The following TOX2 variants were observed in gnomAD, a reference collection of about 807,000 sequenced individuals.
The protein encoded by TOX2 is granulosa cell HMG box 1.
TOX2 carries 15 observed loss-of-function variants against 47.4 expected under a neutral mutation model. That is an observed-to-expected ratio of 0.32 (90% CI 0.21 to 0.49). The LOEUF is 0.49. Ranked by LOEUF, TOX2 falls within the 20% of genes least tolerant of loss-of-function variation. TOX2 has a pLI of 0.99. For missense variants in TOX2, 622 were observed against 673.1 expected, an observed-to-expected ratio of 0.92 and a Z score of 0.84; for synonymous variants, 290 against 296.6, an observed-to-expected ratio of 0.98 and a Z score of 0.23.
chr20:43,996,944 T>G (rs977663629), intron 2 of TOX2, among the ~76,000 whole-genome samples: 5 of 152,124 alleles, frequency 3.3e-5, no homozygotes, highest in Non-Finnish European at 5.9e-5. Context: ...AGCTGGAAGG[T>G]TGTTGGAATA....
chr20:44,011,515 C>T (rs2070778025), intron 3 of TOX2, among the ~76,000 whole-genome samples: 1 of 152,194 alleles, frequency 6.6e-6, no homozygotes, highest in Non-Finnish European at 1.5e-5. Context: ...AGAGTAGATT[C>T]TATAAGTACT....
At chr20:43,975,786 T>C (rs924797108) in intron 2 of TOX2, among the ~76,000 whole-genome samples, 3 of 152,132 alleles carry the variant, frequency 2.0e-5, no homozygotes, top group African/African-American at 4.8e-5. Flanking sequence ...CACCCTAAAC[T>C]GTGACCACCA....
At chr20:43,963,930 G>A (rs1229283090) in intron 1 of TOX2, among the ~76,000 whole-genome samples, 1 of 152,068 alleles carries the variant, frequency 6.6e-6, no homozygotes, top group Non-Finnish European at 1.5e-5. Context: ...ATAGCAACTG[G>A]CAGGATTCTT....
chr20:44,034,150 A>G (rs6031309), intron 3 of TOX2, among the ~76,000 whole-genome samples: 12,786 of 151,962 alleles, frequency 0.084, 1,190 homozygotes, highest in African/African-American at 0.23. Flanking sequence ...GCACTGGCCC[A>G]TGCCTCAGTG....
intron 3 of TOX2, among the ~76,000 whole-genome samples, chr20:44,014,574 A>G (rs918337781): frequency 6.6e-6 from 1 of 152,074 alleles, no homozygotes; most frequent in Admixed American, 6.6e-5. Flanking sequence ...TGTTACCCCC[A>G]ACCCTGTGAC....
chr20:44,030,382 T>C (rs559359604), intron 3 of TOX2, among the ~76,000 whole-genome samples: 1 of 152,304 alleles, frequency 6.6e-6, no homozygotes, highest in East Asian at 1.9e-4. Context: ...AAGCTGGCCT[T>C]TCTGAAATAC....
At chr20:44,042,564 C>G (rs2071349545) in intron 3 of TOX2, among the ~76,000 whole-genome samples, 1 of 152,146 alleles carries the variant, frequency 6.6e-6, no homozygotes, top group African/African-American at 2.4e-5. Flanking sequence ...AGGCAATAAT[C>G]AAATAATTGT....
chr20:44,027,670 C>G (rs6031302), intron 3 of TOX2, among the ~76,000 whole-genome samples: 109,531 of 152,136 alleles, frequency 0.72, 39,573 homozygotes, highest in East Asian at 0.8. Context: ...AGGTCCCAGA[C>G]ACCAGTTGAC....
At position 43,976,561 on chromosome 20, in the gene TOX2, C is replaced by G. The variant is rs924550940; in HGVS notation, c.165+3129C>G. On this transcript the variant is annotated intron_variant, in intron 2 of 8. Coordinates refer to ENST00000341197, the MANE Select transcript of TOX2 (RefSeq NM_001098797.2). ...CTCTACCTCTTGATGGGAAAGGCTG[C>G]AAAATATTGTGGCCTTTTTACAAAC... is the stretch of plus-strand genomic sequence containing the variant. Among the ~76,000 whole-genome samples the G allele has an allele frequency of 3.3e-5, 5 of 152,286 alleles. No homozygotes were observed. In the East Asian group the frequency reaches 7.7e-4, roughly 23 times the overall value.
At chr20:43,995,601 A>G (rs1461101125) in intron 2 of TOX2, among the ~76,000 whole-genome samples, 1 of 152,080 alleles carries the variant, frequency 6.6e-6, no homozygotes, top group South Asian at 2.1e-4. Flanking sequence ...TGATGTACGG[A>G]TTATTTTGTC....
rs140363840 is a variant in TOX2, at chr20:44,030,874, C to T, written c.412-20432C>T. ...ACTCAAGGTCTATGCAACTTTGTAA[C>T]CAGAGCACTAAGAGAAAACCATTAC... On this transcript the variant is annotated intron_variant, in intron 3 of 8. Coordinates refer to ENST00000341197, the MANE Select transcript of TOX2 (RefSeq NM_001098797.2). Among the ~76,000 whole-genome samples, 91 of 152,276 alleles carry T rather than the reference C, an allele frequency of 6.0e-4. 1 individual carries two copies. The highest frequency in any genetic ancestry group is 2.0e-3 in the African/African-American group (84 of 41,556).
intron 2 of TOX2, among the ~76,000 whole-genome samples, chr20:43,995,697 T>G (rs6130497): frequency 0.072 from 11,011 of 152,136 alleles, 883 homozygotes; most frequent in African/African-American, 0.2. Context: ...AGTGTCTGTT[T>G]TTCCTTTTCT....
At chr20:44,008,892 A>G (rs940445227) in intron 3 of TOX2, among the ~76,000 whole-genome samples, 3 of 152,240 alleles carry the variant, frequency 2.0e-5, no homozygotes, top group African/African-American at 7.2e-5. Flanking sequence ...ATTTCCACAC[A>G]ACAGGCTTGA....
In TOX2 at chr20:43,994,458, C is replaced by CCA. The variant is rs1456044862; in HGVS notation, c.166-12088_166-12087dup. On this transcript the variant is annotated intron_variant, in intron 2 of 8. Coordinates refer to ENST00000341197, the MANE Select transcript of TOX2 (RefSeq NM_001098797.2). Reference sequence around the variant, plus strand: ...TGGGTGACAGAGCCAGACCCTGTCTCCAAAAAAAAAAAAAAAGACTACCAC... The same window carrying CCA: ...TGGGTGACAGAGCCAGACCCTGTCTCCACAAAAAAAAAAAAAAAGACTACCAC... Among the ~76,000 whole-genome samples the CCA allele has an allele frequency of 3.8e-4, 22 of 58,620 alleles. 2 individuals are homozygous for CCA. The highest frequency in any genetic ancestry group is 8.6e-4 in the South Asian group (1 of 1,160). 38.5% of individuals were successfully genotyped at this position (58,620 alleles called of 152,430 possible).
At chr20:44,063,759 TAC>T (rs368029156) in intron 5 of TOX2, among the ~76,000 whole-genome samples, 16 of 148,252 alleles carry the variant, frequency 1.1e-4, no homozygotes, top group African/African-American at 3.0e-4. Flanking sequence ...CATATATATG[TAC>T]ACACACACAC....
chr20:43,951,702 A>ATTTTTTTTTTTTTTTT, intron 1 of TOX2, among the ~76,000 whole-genome samples: 1 of 38,674 alleles, frequency 2.6e-5, no homozygotes, highest in Non-Finnish European at 5.4e-5. Context: ...TATTAAACTT[A>ATTTTTTTTTTTTTTTT]TTATGTTTTT....
intron 1 of TOX2, among the ~76,000 whole-genome samples, chr20:43,970,085 G>A (rs533534340): frequency 5.9e-5 from 9 of 152,224 alleles, no homozygotes; most frequent in Non-Finnish European, 1.2e-4. Context: ...GCAGACTATT[G>A]ATTATATAGT....
At position 43,932,778 on chromosome 20, in the gene TOX2, C is replaced by CA. The variant is rs1569008789; in HGVS notation, c.99+17788_99+17789insA. ...AGGGGTTGGAGAGGGGTTGCTGCCC[C>CA]CCCCCGCCATTTCTGACTGAGGGCA... On this transcript the variant is annotated intron_variant, in intron 1 of 8. Transcript: ENST00000341197. 1.3e-4 allele frequency among the ~76,000 whole-genome samples: 18 copies of CA among 139,654 alleles called. 1 individual carries two copies. The highest frequency in any genetic ancestry group is 3.5e-3 in the Middle Eastern group (1 of 286). 91.6% of individuals were successfully genotyped at this position (139,654 alleles called of 152,430 possible).
At chr20:43,959,311 G>A (rs2069718674) in intron 1 of TOX2, among the ~76,000 whole-genome samples, 1 of 152,210 alleles carries the variant, frequency 6.6e-6, no homozygotes, top group African/African-American at 2.4e-5. Context: ...CTGCACCAGT[G>A]TTCTCGCAGC....
Sources: allele counts gnomAD v4.1 joint callset (sites outside exome capture counted in the v4.1 genomes callset), GRCh38; gene constraint gnomAD v4.1.1; transcripts MANE v1.5; gene names NCBI Gene and HGNC (gene_info 2026-07-23, HGNC 2026-07-21).